HNF1A: variants seen among roughly 807,000 people sequenced by gnomAD.
HNF1A encodes HNF1 homeobox A.
HNF1A carries 21 observed loss-of-function variants against 62.2 expected under a neutral mutation model. The observed-to-expected ratio is 0.34, with a 90% confidence interval of 0.24 to 0.49. HNF1A has a LOEUF of 0.49. HNF1A is among the 20% of genes least tolerant of loss of function. The probability of loss-of-function intolerance (pLI) is 0.99; values close to 1 mark genes in which losing one functional copy is unlikely to be tolerated. For synonymous variants in HNF1A, 374 were observed against 366.8 expected, an observed-to-expected ratio of 1.02 and a Z score of -0.22; for missense variants, 687 against 832.3, an observed-to-expected ratio of 0.83 and a Z score of 2.15.
chr12:120,987,878 C>T (rs1876599976), intron 1 of HNF1A, among the ~76,000 whole-genome samples: 1 of 152,030 alleles, frequency 6.6e-6, no homozygotes, highest in Admixed American at 6.6e-5. Flanking sequence ...TTTTTTGAGA[C>T]AGGGTCTTGT....
At position 120,999,270 on chromosome 12, in the gene HNF1A, C is replaced by G. The variant is rs924150546; in HGVS notation, c.1504C>G (p.Leu502Val). The G allele has an allele frequency of 6.2e-6, 10 of 1,613,888 alleles. No individual in the cohort carries two copies. In the African/African-American group the frequency reaches 1.3e-4, roughly 22 times the overall value. ...TMAQLQSPHA[L>V]YSHKPEVAQY... Reference sequence around the variant, plus strand: ...GCCCCTCTCTCCCCTGCGGCCAGCCCTCTACAGCCACAAGCCCGAGGTGGC... The same window carrying G: ...GCCCCTCTCTCCCCTGCGGCCAGCCGTCTACAGCCACAAGCCCGAGGTGGC... Residue 502 changes from leucine to valine, a missense_variant and splice_region_variant, in exon 8 of 10, where the codon CTC becomes GTC. Around this residue, in one of 5 missense-constraint regions of HNF1A, gnomAD observed 408 missense variants for 455.3 expected, o/e 0.90. Transcript: ENST00000257555.
chr12:120,989,601 T>G (rs1397816718), intron 2 of HNF1A, among the ~76,000 whole-genome samples: 1 of 152,116 alleles, frequency 6.6e-6, no homozygotes, highest in African/African-American at 2.4e-5. Flanking sequence ...AGTGGGAAAG[T>G]GGGAGAAAAG....
At position 121,002,126 on chromosome 12, in the gene HNF1A, C is replaced by G. The variant is rs1877536471; in HGVS notation, c.*934C>G. 1.9e-6 allele frequency: 1 copy of G among 528,288 alleles called. No homozygotes were observed. The highest frequency in any genetic ancestry group is 1.6e-5 in the South Asian group (1 of 64,144). 32.7% of individuals were successfully genotyped at this position (528,288 alleles called of 1,614,324 possible). On this transcript the variant is annotated 3_prime_UTR_variant, in exon 10 of 10. Coordinates refer to ENST00000257555, the MANE Select transcript of HNF1A (RefSeq NM_000545.8). ...AGCTCACAAGGCAGCAAGGCCCGAG[C>G]AGCTGAGCAGGGCCGGGGAACTGGC...
chr12:121,000,631 T>G, intron 9 of HNF1A: 1 of 224,904 alleles, frequency 4.4e-6, no homozygotes. Context: ...GGGAAACCGG[T>G]TTTTGCTCTT....
rs1565884524 is a variant in HNF1A at position 120,990,651 on chromosome 12, GGT to G, written c.526+1620_526+1621del. Among the ~76,000 whole-genome samples, 654 of 99,626 alleles carry G rather than the reference GGT, an allele frequency of 6.6e-3. 4 individuals are homozygous for G. The highest frequency in any genetic ancestry group is 0.014 in the African/African-American group (339 of 23,856). The allele number at this position is 99,626 out of a possible 152,430, so 65.4% of individuals were successfully genotyped here. On this transcript the variant is annotated intron_variant, in intron 2 of 9. Coordinates refer to ENST00000257555, the MANE Select transcript of HNF1A (RefSeq NM_000545.8). ...GAGGAAAGATAGGAAAGGGAGGAAAGGTAGGAAAGGGAGGAAAGGTAGGAAAG... is the reference window on the plus strand; with the variant it reads ...GAGGAAAGATAGGAAAGGGAGGAAAGAGGAAAGGGAGGAAAGGTAGGAAAG...
At chr12:120,994,613 C>T (rs1489063334) in intron 4 of HNF1A, among the ~76,000 whole-genome samples, 1 of 151,420 alleles carries the variant, frequency 6.6e-6, no homozygotes, top group Non-Finnish European at 1.5e-5. Context: ...ACTCTATTCA[C>T]TCCATCCACC....
At position 120,996,076 on chromosome 12, in the gene HNF1A, A is replaced by C. The variant is rs1398949728; in HGVS notation, c.956-186A>C. Among the ~76,000 whole-genome samples the C allele has an allele frequency of 6.6e-6, 1 of 152,250 alleles. No homozygotes were observed. Among genetic ancestry groups the C allele is most frequent in the Non-Finnish European group, 1.5e-5 (1 of 68,046 alleles). ...CTAATAAATGCAGTCCCAGCCTTCA[A>C]GGAACTGGGAGCAGCTGACCCAGGG... On this transcript the variant is annotated intron_variant, in intron 4 of 9. Transcript: ENST00000257555. The surrounding 1 kb of genome is among the most constrained non-coding windows in gnomAD (Gnocchi z 4.5).
intron 6 of HNF1A, 158 bp from the exon 7 acceptor site, chr12:120,997,316 A>C (rs745630945): frequency 7.4e-7 from 1 of 1,345,966 alleles, no homozygotes; most frequent in Non-Finnish European, 9.8e-7. Flanking sequence ...AGCCACTTAA[A>C]TTAGTGGCAG....
chr12:120,996,564 C>T lies in HNF1A; in HGVS notation c.1131C>T (p.Leu377=). ...AGGTCTCAGCAGCTGGGGGCCCCCT[C>T]CCCCCTGTCAGCACCCTGACAGCAC... ...AKLVSAAGGP[L]PPVSTLTALH... Residue 377 remains leucine, a synonymous_variant, in exon 6 of 10, where the codon CTC becomes CTT. Coordinates refer to ENST00000257555, the MANE Select transcript of HNF1A (RefSeq NM_000545.8). The surrounding 1 kb of genome is among the most constrained non-coding windows in gnomAD (Gnocchi z 4.5). The T allele has an allele frequency of 6.2e-7, 1 of 1,613,714 alleles. No homozygotes were observed. Among genetic ancestry groups the T allele is most frequent in the Non-Finnish European group, 8.5e-7 (1 of 1,179,918 alleles).
At chr12:120,999,422 C>T (rs1877303816) in intron 8 of HNF1A, 33 bp downstream of exon 8, 1 of 1,613,774 alleles carries the variant, frequency 6.2e-7, no homozygotes, top group African/African-American at 1.3e-5. Context: ...CTCCCTTGGC[C>T]TGTGACAGAG....
intron 1 of HNF1A, among the ~76,000 whole-genome samples, chr12:120,984,647 TGACTGGCACTCAGCA>T (rs58367757): frequency 0.59 from 88,702 of 151,412 alleles, 26,053 homozygotes; most frequent in East Asian, 0.63. Context: ...TTCTGAGCTC[TGACTGGCACTCAGCA>T]AAGCAGGGAG....
At chr12:120,984,199 C>T (rs1175963392) in intron 1 of HNF1A, among the ~76,000 whole-genome samples, 1 of 152,160 alleles carries the variant, frequency 6.6e-6, no homozygotes, top group African/African-American at 2.4e-5. Context: ...CGTATCAGCT[C>T]ACTTTAACAG....
intron 7 of HNF1A, 124 bp downstream of exon 7, chr12:120,997,789 C>A: frequency 9.6e-7 from 1 of 1,041,634 alleles, no homozygotes; most frequent in Non-Finnish European, 1.5e-6. Context: ...AGTGTGTTTC[C>A]GTGATTGAGG....
At position 120,997,497 on chromosome 12, in the gene HNF1A, A is replaced by T. The variant is rs1217287384; in HGVS notation, c.1333A>T (p.Ser445Cys). The change falls in exon 7 of 10, where the codon AGT (serine) becomes TGT (cysteine). Residue 445 changes from serine to cysteine, a missense_variant. This residue lies in a region of HNF1A where 408 missense variants were observed against 455.3 expected (regional missense o/e 0.90). Coordinates refer to ENST00000257555, the MANE Select transcript of HNF1A (RefSeq NM_000545.8). Reference sequence around the variant, plus strand: ...AGGCCTGGCCTCCACGCAGGCACAGAGTGTGCCGGTCATCAACAGCATGGG... The same window carrying T: ...AGGCCTGGCCTCCACGCAGGCACAGTGTGTGCCGGTCATCAACAGCATGGG... ...VIGLASTQAQ[S>C]VPVINSMGSS... 3 of 1,611,342 alleles carry T rather than the reference A, an allele frequency of 1.9e-6. No individual in the cohort carries two copies. The highest frequency in any genetic ancestry group is 2.5e-6 in the Non-Finnish European group (3 of 1,179,272).
chr12:120,990,317 A>AT (rs1448846553), intron 2 of HNF1A, among the ~76,000 whole-genome samples: 1 of 151,710 alleles, frequency 6.6e-6, no homozygotes, highest in Non-Finnish European at 1.5e-5. Context: ...AATTTTTTGT[A>AT]TTTTTAGTAG....
chr12:120,989,913 C>A (rs986750703), intron 2 of HNF1A, among the ~76,000 whole-genome samples: 1 of 151,936 alleles, frequency 6.6e-6, no homozygotes, highest in Non-Finnish European at 1.5e-5. Flanking sequence ...GTGTTTCAGG[C>A]AGAAGGAACA....
In HNF1A at chr12:121,001,813, C is replaced by T. The variant is rs1026422272; in HGVS notation, c.*621C>T. ...CTCTAACGCCTGAGCCCAGGGAGGC[C>T]GAAGCTAACAGGGAAGGCAGGCAGG... On this transcript the variant is annotated 3_prime_UTR_variant, in exon 10 of 10. Transcript: ENST00000257555. The T allele has an allele frequency of 8.0e-5, 43 of 535,310 alleles. No individual in the cohort carries two copies. The highest frequency in any genetic ancestry group is 5.8e-4 in the Admixed American group (26 of 44,812). 33.2% of individuals were successfully genotyped at this position (535,310 alleles called of 1,614,324 possible).
intron 1 of HNF1A, among the ~76,000 whole-genome samples, chr12:120,988,564 T>C (rs1338467361): frequency 6.6e-6 from 1 of 152,262 alleles, no homozygotes; most frequent in Middle Eastern, 3.2e-3. Flanking sequence ...TTCCAGTGTC[T>C]GTATCCATAG....
chr12:120,994,879 CTCCAT>C, intron 4 of HNF1A, among the ~76,000 whole-genome samples: 1 of 139,258 alleles, frequency 7.2e-6, no homozygotes. Flanking sequence ...ATCCACTCCA[CTCCAT>C]CCATTGCATC....
Sources: gnomAD v4.1 joint callset for allele counts (sites outside exome capture counted in the v4.1 genomes callset) on GRCh38, gnomAD v4.1.1 for gene constraint, gnomAD v4.1.1 regional missense constraint, Gnocchi (gnomAD v3.1) non-coding constraint, MANE v1.5 for transcripts, NCBI Gene and HGNC (gene_info 2026-07-23, HGNC 2026-07-21) for gene names.